Variants in GNA14 observed in about 807,000 individuals in gnomAD.
GNA14 encodes G protein subunit alpha 14, also known as guanine nucleotide-binding protein subunit alpha-14.
In GNA14, 50 loss-of-function variants were observed where a neutral mutation model predicts 42.0. The ratio of observed to expected loss-of-function variants is 1.19; its 90% confidence interval spans 0.95 to 1.51. GNA14 has a LOEUF of 1.51. Ranked by LOEUF, GNA14 falls within the 40% of genes most tolerant of loss-of-function variation. The pLI is 0.00. For synonymous variants in GNA14, 173 were observed against 163.1 expected (o/e 1.06, Z -0.46); for missense variants, 473 against 446.2 (o/e 1.06, Z -0.54).
chr9:77,523,269 A>T (rs1374004137), intron 2 of GNA14, among the ~76,000 whole-genome samples: 2 of 152,206 alleles, frequency 1.3e-5, no homozygotes, highest in Non-Finnish European at 2.9e-5. Context: ...TACAGGAAGC[A>T]GGGTGCTGGC....
At chr9:77,530,446 C>G (rs1338125389) in intron 1 of GNA14, among the ~76,000 whole-genome samples, 1 of 152,194 alleles carries the variant, frequency 6.6e-6, no homozygotes, top group Admixed American at 6.5e-5. Flanking sequence ...CTTGTGGAAA[C>G]GTGAGCCAAT....
chr9:77,533,140 T>C (rs1316000434), intron 1 of GNA14, among the ~76,000 whole-genome samples: 1 of 152,130 alleles, frequency 6.6e-6, no homozygotes, highest in Non-Finnish European at 1.5e-5. Context: ...GAAAATAAAA[T>C]CCAACAATGG....
Position 77,431,506 on chromosome 9 carries a change from T to C in GNA14, c.465-57A>G. The C allele has an allele frequency of 2.6e-6, 4 of 1,523,696 alleles. No individual in the cohort carries two copies. The South Asian group carries it at 5.0e-5, about 19-fold the overall frequency. 94.4% of individuals were successfully genotyped at this position (1,523,696 alleles called of 1,614,324 possible). ...CTTTTAGAGCAGGGGGAAATGTCCA[T>C]CCTACTCAAAGGAAGTCACCCCCCA... On this transcript the variant is annotated intron_variant, in intron 3 of 6. Coordinates refer to ENST00000341700, the MANE Select transcript of GNA14 (RefSeq NM_004297.4).
intron 2 of GNA14, among the ~76,000 whole-genome samples, chr9:77,495,405 T>C (rs1012237550): frequency 6.6e-6 from 1 of 152,092 alleles, no homozygotes; most frequent in Non-Finnish European, 1.5e-5. Context: ...AAGTTGGAGA[T>C]AACATGTTGA....
chr9:77,573,455 A>T (rs189788919), intron 1 of GNA14, among the ~76,000 whole-genome samples: 5 of 152,136 alleles, frequency 3.3e-5, no homozygotes, highest in Non-Finnish European at 7.4e-5. Context: ...TCTCAAAAAA[A>T]TAAATAAATA....
At chr9:77,612,342 G>A (rs1823747682) in intron 1 of GNA14, among the ~76,000 whole-genome samples, 1 of 152,084 alleles carries the variant, frequency 6.6e-6, no homozygotes, top group African/African-American at 2.4e-5. Flanking sequence ...CCACAGGCAT[G>A]GGAAAAGTTC....
intron 1 of GNA14, among the ~76,000 whole-genome samples, chr9:77,542,014 A>G (rs907588053): frequency 4.6e-5 from 7 of 152,150 alleles, no homozygotes; most frequent in African/African-American, 1.7e-4. Flanking sequence ...GTATTTTGAA[A>G]TCTTTGAGAT....
intron 2 of GNA14, among the ~76,000 whole-genome samples, chr9:77,435,894 C>A (rs12683817): frequency 0.31 from 46,619 of 152,032 alleles, 7,210 homozygotes; most frequent in Middle Eastern, 0.38. Context: ...CTTATTCCCC[C>A]TCCCATATTT....
chr9:77,541,296 A>C (rs1837658507), intron 1 of GNA14, among the ~76,000 whole-genome samples: 1 of 152,164 alleles, frequency 6.6e-6, no homozygotes, highest in South Asian at 2.1e-4. Context: ...TATGAAGAGT[A>C]ATTTTGCTGG....
rs1331929146 is a variant in GNA14 at position 77,423,376 on chromosome 9, C to G, written c.*603G>C. 1 of 151,904 alleles carries G rather than the reference C, an allele frequency of 6.6e-6. No homozygotes were observed. Among genetic ancestry groups the G allele is most frequent in the Non-Finnish European group, 1.5e-5 (1 of 67,988 alleles). 9.4% of individuals were successfully genotyped at this position (151,904 alleles called of 1,614,324 possible). A position where few individuals can be genotyped will look rare whatever the true frequency, so the allele number is the denominator to read the frequency against. On this transcript the variant is annotated 3_prime_UTR_variant, in exon 7 of 7. Transcript: ENST00000341700. Reference sequence around the variant, plus strand: ...TCTTGGTGATCAAACTGTGGCAAAGCTAAATTAGATATACTTATATATCCA... The same window carrying G: ...TCTTGGTGATCAAACTGTGGCAAAGGTAAATTAGATATACTTATATATCCA...
chr9:77,647,502 G>A (rs1275192286), intron 1 of GNA14, among the ~76,000 whole-genome samples, 168 bp downstream of exon 1: 1 of 152,196 alleles, frequency 6.6e-6, no homozygotes, highest in African/African-American at 2.4e-5. Flanking sequence ...GGAAAGAACA[G>A]GCACCTAAGG....
At chr9:77,486,828 A>C (rs1022494523) in intron 2 of GNA14, among the ~76,000 whole-genome samples, 4 of 152,142 alleles carry the variant, frequency 2.6e-5, no homozygotes, top group African/African-American at 9.7e-5. Context: ...GGTGCCCCCA[A>C]ATAATTACAT....
At chr9:77,425,422 C>T in intron 6 of GNA14, 140 bp downstream of exon 6, 1 of 587,130 alleles carries the variant, frequency 1.7e-6, no homozygotes, top group South Asian at 2.3e-5. Flanking sequence ...ACTAGAGCTT[C>T]TGTTTGAAGG....
chr9:77,591,509 T>TG (rs1403555960), intron 1 of GNA14, among the ~76,000 whole-genome samples: 1 of 152,228 alleles, frequency 6.6e-6, no homozygotes, highest in Non-Finnish European at 1.5e-5. Context: ...TCTAGCTGTA[T>TG]GATCCTAGGG....
At chr9:77,575,180 G>A (rs1275192684) in intron 1 of GNA14, among the ~76,000 whole-genome samples, 1 of 152,106 alleles carries the variant, frequency 6.6e-6, no homozygotes, top group Non-Finnish European at 1.5e-5. Context: ...TTCATATCTG[G>A]CTAGAATACA....
chr9:77,614,839 C>T (rs917751897), intron 1 of GNA14, among the ~76,000 whole-genome samples: 1 of 152,180 alleles, frequency 6.6e-6, no homozygotes, highest in East Asian at 1.9e-4. Flanking sequence ...GAAGAGCCCA[C>T]GGGCTGACCC....
chr9:77,637,623 G>A (rs568526726), intron 1 of GNA14, among the ~76,000 whole-genome samples: 1 of 152,322 alleles, frequency 6.6e-6, no homozygotes, highest in African/African-American at 2.4e-5. Context: ...TCTGAAGGCT[G>A]AGGTAGGAGG....
At chr9:77,492,739 C>T (rs1329614935) in intron 2 of GNA14, among the ~76,000 whole-genome samples, 13 of 152,018 alleles carry the variant, frequency 8.6e-5, no homozygotes, top group African/African-American at 2.4e-4. Flanking sequence ...CTGTGGCTCA[C>T]GCCTGTAATC....
chr9:77,451,657 C>T (rs1835903438), intron 2 of GNA14, among the ~76,000 whole-genome samples: 1 of 152,258 alleles, frequency 6.6e-6, no homozygotes, highest in East Asian at 1.9e-4. Flanking sequence ...CCTTGTCACA[C>T]ACATGTTCAT....
Sources: allele counts gnomAD v4.1 joint callset (sites outside exome capture counted in the v4.1 genomes callset), GRCh38; gene constraint gnomAD v4.1.1; transcripts MANE v1.5; gene names NCBI Gene and HGNC (gene_info 2026-07-23, HGNC 2026-07-21).